The following PARVA variants were observed in gnomAD, a reference collection of about 807,000 sequenced individuals.
The protein encoded by PARVA is alpha-parvin.
A neutral mutation model predicts 52.6 loss-of-function variants in PARVA; 25 were observed. The observed-to-expected ratio is 0.48, with a 90% CI of 0.35 to 0.66. PARVA has a LOEUF of 0.66. Ranked by LOEUF, PARVA falls within the 30% of genes least tolerant of loss-of-function variation. PARVA has a pLI of 0.01. For synonymous variants in PARVA, 185 were observed against 179.1 expected, an observed-to-expected ratio of 1.03 and a Z score of -0.26; for missense variants, 373 against 450.9, an observed-to-expected ratio of 0.83 and a Z score of 1.56.
At chr11:12,386,303 C>A (rs1252989196) in intron 1 of PARVA, among the ~76,000 whole-genome samples, 5 of 152,180 alleles carry the variant, frequency 3.3e-5, no homozygotes, top group African/African-American at 1.2e-4. Context: ...ACTCTTAATC[C>A]CCCAAACATG....
chr11:12,393,015 G>A (rs1466083236), intron 1 of PARVA, among the ~76,000 whole-genome samples: 3 of 140,596 alleles, frequency 2.1e-5, no homozygotes, highest in South Asian at 2.2e-4. Flanking sequence ...GGAAATTGTT[G>A]GCTGGAAACA....
intron 1 of PARVA, among the ~76,000 whole-genome samples, chr11:12,404,237 C>G (rs934665544): frequency 6.6e-6 from 1 of 152,024 alleles, no homozygotes; most frequent in Non-Finnish European, 1.5e-5. Context: ...GCATTACCAT[C>G]AGGTCTTAGG....
chr11:12,501,793 T>C (rs1433913009), intron 5 of PARVA, among the ~76,000 whole-genome samples: 1 of 152,206 alleles, frequency 6.6e-6, no homozygotes, highest in Non-Finnish European at 1.5e-5. Flanking sequence ...AGAGCATTCA[T>C]TGAATGAGTC....
chr11:12,453,454 A>T (rs1249636374), intron 1 of PARVA, among the ~76,000 whole-genome samples: 1 of 151,926 alleles, frequency 6.6e-6, no homozygotes, highest in Non-Finnish European at 1.5e-5. Flanking sequence ...AGTGAGCTCC[A>T]CTCCATAGCT....
At chr11:12,524,778 A>G (rs1229519182) in intron 12 of PARVA, among the ~76,000 whole-genome samples, 1 of 152,218 alleles carries the variant, frequency 6.6e-6, no homozygotes, top group Non-Finnish European at 1.5e-5. Flanking sequence ...ATCTGTTAAT[A>G]TCCTTGGAGG....
intron 5 of PARVA, among the ~76,000 whole-genome samples, chr11:12,503,206 CAT>C (rs777496189): frequency 6.6e-5 from 10 of 152,230 alleles, no homozygotes; most frequent in Non-Finnish European, 1.0e-4. Context: ...AGCCAAGTAA[CAT>C]AGCCCTTTGA....
chr11:12,523,621 G>C (rs751683585), intron 12 of PARVA, among the ~76,000 whole-genome samples: 15 of 152,096 alleles, frequency 9.9e-5, no homozygotes, highest in Admixed American at 2.0e-4. Flanking sequence ...ATACCTCTGG[G>C]GGGGAGGAGC....
At chr11:12,514,352 A>G (rs1941543362) in intron 10 of PARVA, among the ~76,000 whole-genome samples, 1 of 152,188 alleles carries the variant, frequency 6.6e-6, no homozygotes, top group Admixed American at 6.5e-5. Flanking sequence ...GCTTGAGCAT[A>G]TGTCTCTCAA....
At position 12,500,002 on chromosome 11, in the gene PARVA, C is replaced by G. The variant is rs1399529459; in HGVS notation, c.541+3404C>G. ...ATTTTCAGATTGTTCTCCGTTTTCCCACTGATATCAATACAGCTGGATGCA... is the reference window on the plus strand; with the variant it reads ...ATTTTCAGATTGTTCTCCGTTTTCCGACTGATATCAATACAGCTGGATGCA... On this transcript the variant is annotated intron_variant, in intron 5 of 12. Transcript: ENST00000334956. Among the ~76,000 whole-genome samples the G allele has an allele frequency of 3.9e-5, 6 of 152,138 alleles. No homozygotes were observed. In the East Asian group the frequency reaches 1.2e-3, roughly 29 times the overall value.
intron 1 of PARVA, among the ~76,000 whole-genome samples, chr11:12,391,876 G>A (rs1259582747): frequency 6.6e-6 from 1 of 152,118 alleles, no homozygotes; most frequent in Non-Finnish European, 1.5e-5. Context: ...GCTTTATTGA[G>A]ATACAATTCA....
At chr11:12,470,405 G>A (rs1207622651) in intron 1 of PARVA, among the ~76,000 whole-genome samples, 1 of 152,170 alleles carries the variant, frequency 6.6e-6, no homozygotes, top group African/African-American at 2.4e-5. Flanking sequence ...AACCCTTGGA[G>A]GTCGGCAATA....
intron 11 of PARVA, 120 bp downstream of exon 11, chr11:12,517,831 A>C: frequency 1.4e-6 from 1 of 692,362 alleles, no homozygotes. Context: ...CAACGTCTTC[A>C]GTGCCTGGAG....
At chr11:12,430,644 T>C (rs903606833) in intron 1 of PARVA, among the ~76,000 whole-genome samples, 1 of 152,176 alleles carries the variant, frequency 6.6e-6, no homozygotes, top group East Asian at 1.9e-4. Context: ...TGACGTTTAA[T>C]GCATTTACTA....
intron 1 of PARVA, among the ~76,000 whole-genome samples, chr11:12,457,730 A>T (rs1260611392): frequency 6.6e-6 from 1 of 152,268 alleles, no homozygotes; most frequent in Non-Finnish European, 1.5e-5. Context: ...CTGGCAGGAC[A>T]GTGGTGCACA....
chr11:12,400,883 T>A (rs527353389), intron 1 of PARVA, among the ~76,000 whole-genome samples: 1 of 152,230 alleles, frequency 6.6e-6, no homozygotes, highest in Non-Finnish European at 1.5e-5. Flanking sequence ...TGATCTGTGC[T>A]ATACTAGCAG....
chr11:12,406,659 C>CTT (rs1939912566), intron 1 of PARVA, among the ~76,000 whole-genome samples: 1 of 98,778 alleles, frequency 1.0e-5, no homozygotes, highest in Non-Finnish European at 2.1e-5. Context: ...TAGGTTGTAT[C>CTT]TGTTTTTTTT....
At position 12,412,889 on chromosome 11, in the gene PARVA, G is replaced by A. The variant is rs575458140; in HGVS notation, c.136+35106G>A. Among the ~76,000 whole-genome samples, 9 of 152,318 alleles carry A rather than the reference G, an allele frequency of 5.9e-5. No individual in the cohort carries two copies. In the South Asian group the frequency reaches 1.9e-3, roughly 32 times the overall value. The stretch of plus-strand genomic sequence containing the variant: ...GGCCAAAAGTATCACTGAGAAGTTG[G>A]AGCCAAAATCTCAGGGCTTTTCTTT... On this transcript the variant is annotated intron_variant, in intron 1 of 12. Coordinates refer to ENST00000334956, the MANE Select transcript of PARVA (RefSeq NM_018222.5).
intron 1 of PARVA, among the ~76,000 whole-genome samples, chr11:12,469,942 A>C (rs543131555): frequency 6.6e-6 from 1 of 152,332 alleles, no homozygotes; most frequent in Admixed American, 6.5e-5. Flanking sequence ...TTGCGTTTCT[A>C]GTCACACTTT....
chr11:12,462,679 C>T (rs1000129265), intron 1 of PARVA, among the ~76,000 whole-genome samples: 3 of 152,188 alleles, frequency 2.0e-5, no homozygotes, highest in African/African-American at 4.8e-5. Context: ...TAAAGACCTC[C>T]GTAGGTGACC....
Sources: allele counts gnomAD v4.1 joint callset (sites outside exome capture counted in the v4.1 genomes callset), GRCh38; gene constraint gnomAD v4.1.1; transcripts MANE v1.5; gene names NCBI Gene and HGNC (gene_info 2026-07-23, HGNC 2026-07-21).